The following PGM2L1 variants were observed in gnomAD, a reference collection of about 807,000 sequenced individuals.
PGM2L1 encodes glucose 1,6-bisphosphate synthase.
In PGM2L1, 35 loss-of-function variants were observed where a neutral mutation model predicts 73.4. The observed-to-expected ratio is 0.48, with a 90% confidence interval of 0.36 to 0.63. The LOEUF (loss-of-function observed/expected upper bound fraction) is 0.63, where lower values mean the gene tolerates loss of function less well. Among genes scored for constraint, PGM2L1 ranks in the 30% least tolerant of loss-of-function variants. PGM2L1 has a pLI of 0.00. For missense variants in PGM2L1, 570 were observed against 742.0 expected (o/e 0.77, Z 2.69); for synonymous variants, 225 against 253.8 (o/e 0.89, Z 1.08).
intron 6 of PGM2L1, 51 bp from the exon 7 acceptor site, chr11:74,347,388 G>C: frequency 7.4e-7 from 1 of 1,359,424 alleles, no homozygotes; most frequent in Non-Finnish European, 9.9e-7. Flanking sequence ...TCTTACCTTT[G>C]ATATAATTAA....
chr11:74,377,279 G>A (rs1331819424), intron 1 of PGM2L1, among the ~76,000 whole-genome samples: 10 of 151,882 alleles, frequency 6.6e-5, no homozygotes, highest in Non-Finnish European at 1.5e-4. Flanking sequence ...GACTACAGGC[G>A]CCCGCCACCA....
At position 74,343,220 on chromosome 11, in the gene PGM2L1, T is replaced by C. The variant is rs530993421; in HGVS notation, c.1312+103A>G. 15 of 1,409,316 alleles carry C rather than the reference T, an allele frequency of 1.1e-5. 1 individual carries two copies. In the Admixed American group the frequency reaches 3.8e-4, roughly 36 times the overall value. The allele number at this position is 1,409,316 out of a possible 1,614,324, so 87.3% of individuals were successfully genotyped here. A position where few individuals can be genotyped will look rare whatever the true frequency, so the allele number is the denominator to read the frequency against. On this transcript the variant is annotated intron_variant, in intron 10 of 13. Transcript: ENST00000298198. ...CATATTTCTCATTCTCTGTAGTTTT[T>C]ACAACTCAAAATATGAAACCAGAAC...
chr11:74,360,906 C>T lies in PGM2L1; in HGVS notation c.555+7586G>A, dbSNP rs146247233. Among the ~76,000 whole-genome samples, 4 of 152,288 alleles carry T rather than the reference C, an allele frequency of 2.6e-5. No individual in the cohort carries two copies. The East Asian group carries it at 7.7e-4, about 29-fold the overall frequency. ...GTAGATAAACAAAGGCCAGGAAGCTCGAACTGGGTGGAGCCCACCACTGCT... is the reference window on the plus strand; with the variant it reads ...GTAGATAAACAAAGGCCAGGAAGCTTGAACTGGGTGGAGCCCACCACTGCT... On this transcript the variant is annotated intron_variant, in intron 5 of 13. Transcript: ENST00000298198.
At chr11:74,360,674 C>A (rs1862548342) in intron 5 of PGM2L1, among the ~76,000 whole-genome samples, 1 of 152,132 alleles carries the variant, frequency 6.6e-6, no homozygotes, top group Admixed American at 6.5e-5. Flanking sequence ...GAAGGGGTGG[C>A]ACCTGGAAAA....
chr11:74,365,388 T>C (rs1017216630), intron 5 of PGM2L1, among the ~76,000 whole-genome samples: 166 of 151,162 alleles, frequency 1.1e-3, no homozygotes, highest in African/African-American at 3.8e-3. Flanking sequence ...ACTAAAGAGC[T>C]TCTGCACAGC....
At chr11:74,373,470 C>T (rs1011830477) in intron 2 of PGM2L1, among the ~76,000 whole-genome samples, 2 of 152,186 alleles carry the variant, frequency 1.3e-5, no homozygotes, top group East Asian at 3.8e-4. Context: ...CTGAACAATT[C>T]TCTAGCCCAG....
At chr11:74,351,347 C>G (rs754530524) in intron 6 of PGM2L1, 36 bp downstream of exon 6, 1 of 1,538,720 alleles carries the variant, frequency 6.5e-7, no homozygotes, top group South Asian at 1.2e-5. Context: ...TAACGTTATT[C>G]TGAAGTAGTA....
chr11:74,370,203 T>G (rs1862731243), intron 4 of PGM2L1, among the ~76,000 whole-genome samples: 1 of 152,000 alleles, frequency 6.6e-6, no homozygotes, highest in South Asian at 2.1e-4. Flanking sequence ...TTTAATGTTT[T>G]GGCAAAAAAA....
chr11:74,393,840 G>A (rs1254136689), intron 1 of PGM2L1, among the ~76,000 whole-genome samples: 2 of 152,278 alleles, frequency 1.3e-5, no homozygotes, highest in East Asian at 3.9e-4. Flanking sequence ...CTTTGCCAGT[G>A]CCTAACATCT....
intron 5 of PGM2L1, among the ~76,000 whole-genome samples, chr11:74,363,489 A>G (rs2134917518): frequency 6.6e-6 from 1 of 152,318 alleles, no homozygotes; most frequent in Non-Finnish European, 1.5e-5. Context: ...CTAATAAAGA[A>G]AAAAAGAGAG....
At chr11:74,345,409 T>C (rs575157802) in intron 9 of PGM2L1, 60 bp downstream of exon 9, 2 of 1,377,228 alleles carry the variant, frequency 1.5e-6, no homozygotes, top group South Asian at 1.3e-5. Flanking sequence ...GGTGGGGAGA[T>C]GTCTTTAACA....
At chr11:74,363,816 T>A (rs1240490705) in intron 5 of PGM2L1, among the ~76,000 whole-genome samples, 2 of 152,146 alleles carry the variant, frequency 1.3e-5, no homozygotes, top group Admixed American at 1.3e-4. Context: ...CTTCTGAAAC[T>A]ATTCCAATCA....
chr11:74,369,970 C>G (rs186469759), intron 4 of PGM2L1, among the ~76,000 whole-genome samples: 1 of 152,072 alleles, frequency 6.6e-6, no homozygotes, highest in Non-Finnish European at 1.5e-5. Context: ...TGGTCTCAAA[C>G]TCCTGACCTC....
intron 1 of PGM2L1, among the ~76,000 whole-genome samples, chr11:74,380,950 GC>G (rs1166602831): frequency 6.6e-6 from 1 of 152,074 alleles, no homozygotes; most frequent in Non-Finnish European, 1.5e-5. Flanking sequence ...AGAAGGTTTG[GC>G]CCTGATCTTG....
intron 13 of PGM2L1, 30 bp from the exon 14 acceptor site, chr11:74,336,784 AT>A: frequency 6.9e-7 from 1 of 1,456,864 alleles, no homozygotes; most frequent in East Asian, 2.3e-5. Flanking sequence ...TTTTGGAATT[AT>A]TTATTTTCAT....
chr11:74,343,406 G>A lies in PGM2L1; in HGVS notation c.1229C>T (p.Pro410Leu). ...CCTACTTCCAATCCATTTAAAACCTGGTAATGTTTCCTGAAATGCAGAGGA... is the reference window on the plus strand; with the variant it reads ...CCTACTTCCAATCCATTTAAAACCTAGTAATGTTTCCTGAAATGCAGAGGA... ...KEGFHFEETL[P>L]GFKWIGSRII... Residue 410 changes from proline to leucine, a missense_variant, in exon 10 of 14, where the codon CCA becomes CTA. By Grantham distance (98) the Pro-to-Leu change is moderately conservative. Coordinates refer to ENST00000298198, the MANE Select transcript of PGM2L1 (RefSeq NM_173582.6). 2 of 1,605,046 alleles carry A rather than the reference G, an allele frequency of 1.2e-6. No individual in the cohort carries two copies. Among genetic ancestry groups the A allele is most frequent in the Non-Finnish European group, 1.7e-6 (2 of 1,177,720 alleles).
At chr11:74,373,147 T>A (rs1432628822) in intron 2 of PGM2L1, among the ~76,000 whole-genome samples, 1 of 152,188 alleles carries the variant, frequency 6.6e-6, no homozygotes, top group Non-Finnish European at 1.5e-5. Flanking sequence ...CCAAATCCAG[T>A]GAAAATGTGC....
intron 5 of PGM2L1, 59 bp downstream of exon 5, chr11:74,368,430 ATAT>A (rs1862695689): frequency 7.1e-7 from 1 of 1,400,738 alleles, no homozygotes; most frequent in East Asian, 2.3e-5. Context: ...TACTCAACAC[ATAT>A]TATTTGAATA....
intron 1 of PGM2L1, among the ~76,000 whole-genome samples, chr11:74,395,549 CTTTTTTTTTTTTT>C (rs60883108): frequency 1.5e-5 from 1 of 64,942 alleles, no homozygotes; most frequent in African/African-American, 7.1e-5. Flanking sequence ...CCTCGCCTGG[CTTTTTTTTTTTTT>C]TTTTTTTTTT....
Sources: allele counts gnomAD v4.1 joint callset (sites outside exome capture counted in the v4.1 genomes callset), GRCh38; gene constraint gnomAD v4.1.1; transcripts MANE v1.5; gene names NCBI Gene and HGNC (gene_info 2026-07-23, HGNC 2026-07-21).